The following PAK6 variants were observed in gnomAD, a reference collection of about 807,000 sequenced individuals.
The protein encoded by PAK6 is serine/threonine-protein kinase PAK 6.
A neutral mutation model predicts 60.8 loss-of-function variants in PAK6; 33 were observed. The observed-to-expected ratio is 0.54, with a 90% CI of 0.41 to 0.73. PAK6 has a LOEUF of 0.73. PAK6 is among the 30% of genes least tolerant of loss of function. The probability of loss-of-function intolerance (pLI) is 0.00; values close to 1 mark genes in which losing one functional copy is unlikely to be tolerated. For missense variants in PAK6, 845 were observed against 904.1 expected (o/e 0.93, Z 0.84); for synonymous variants, 404 against 378.5 (o/e 1.07, Z -0.78).
intron 10 of PAK6, among the ~76,000 whole-genome samples, chr15:40,275,465 T>C (rs1247690354): frequency 6.6e-6 from 1 of 151,856 alleles, no homozygotes; most frequent in African/African-American, 2.4e-5. Flanking sequence ...TTTGTATTTT[T>C]AGTAGAGACA....
intron 3 of PAK6, among the ~76,000 whole-genome samples, chr15:40,257,342 G>A (rs2038864657): frequency 6.6e-6 from 1 of 152,246 alleles, no homozygotes; most frequent in Admixed American, 6.5e-5. Flanking sequence ...CTGGAAGCCA[G>A]CTTCCCAGCC....
intron 3 of PAK6, 26 bp downstream of exon 3, chr15:40,253,315 C>G: frequency 2.2e-6 from 1 of 454,482 alleles, no homozygotes; most frequent in South Asian, 1.6e-5. Context: ...GCCCCCGGCC[C>G]TAGAGCCTTC....
At chr15:40,252,363 C>A in intron 2 of PAK6, 1 of 1,307,734 alleles carries the variant, frequency 7.6e-7, no homozygotes, top group Non-Finnish European at 1.0e-6. Context: ...GCGGCTGTGG[C>A]CAGGCCAGGG....
chr15:40,276,466 C>T (rs1032954125), exon 11 of PAK6: 1 of 195,146 alleles, frequency 5.1e-6, no homozygotes, highest in African/African-American at 2.3e-5. Flanking sequence ...AGAGGGCAGA[C>T]TGCTGGTCTC....
intron 2 of PAK6, among the ~76,000 whole-genome samples, chr15:40,243,753 T>G (rs1046515689): frequency 5.3e-5 from 8 of 152,240 alleles, no homozygotes; most frequent in Non-Finnish European, 1.2e-4. Flanking sequence ...CCACTGAGGC[T>G]TTCTAAGGAA....
intron 2 of PAK6, among the ~76,000 whole-genome samples, chr15:40,241,696 C>T (rs1242720795): frequency 1.3e-5 from 2 of 152,080 alleles, no homozygotes; most frequent in African/African-American, 4.8e-5. Context: ...TCTCCAGTGC[C>T]CCGAGGACAA....
intron 2 of PAK6, chr15:40,252,237 C>A: frequency 8.4e-7 from 1 of 1,189,328 alleles, no homozygotes. Context: ...GGCTCTGGAG[C>A]GTGCATCTGC....
chr15:40,252,183 G>T, intron 2 of PAK6: 1 of 939,612 alleles, frequency 1.1e-6, no homozygotes, highest in Non-Finnish European at 1.4e-6. Flanking sequence ...AGGATGTGTG[G>T]GTGGGCACAC....
At position 40,261,140 on chromosome 15, in the gene PAK6, G is replaced by A. The variant is rs891113286; in HGVS notation, c.-5-3641G>A. Reference sequence around the variant, plus strand: ...CCTGACCTCGTGATTCGCCCACCTCGGCCTCCCAAAGTGCTGGGATTACAG... The same window carrying A: ...CCTGACCTCGTGATTCGCCCACCTCAGCCTCCCAAAGTGCTGGGATTACAG... On this transcript the variant is annotated intron_variant, in intron 3 of 10. Coordinates refer to ENST00000560346, the Ensembl canonical transcript of PAK6. 4.0e-5 allele frequency among the ~76,000 whole-genome samples: 6 copies of A among 151,646 alleles called. No homozygotes were observed. In the South Asian group the frequency reaches 6.3e-4, roughly 16 times the overall value.
chr15:40,276,470 T>C (rs2039457557), exon 11 of PAK6: 1 of 190,460 alleles, frequency 5.3e-6, no homozygotes, highest in Admixed American at 5.9e-5. Context: ...GGCAGACTGC[T>C]GGTCTCCACA....
At chr15:40,253,113 T>G in intron 2 of PAK6, 65 bp from the exon 3 acceptor site, 2 of 425,974 alleles carry the variant, frequency 4.7e-6, no homozygotes, top group South Asian at 3.3e-5. Flanking sequence ...CGTCAGCCAG[T>G]CGCAACACCC....
intron 2 of PAK6, chr15:40,252,597 C>T: frequency 7.4e-7 from 1 of 1,353,220 alleles, no homozygotes; most frequent in Non-Finnish European, 9.8e-7. Flanking sequence ...TAAGCGCGGC[C>T]CCTCCTCGGC....
exon 5 of PAK6, chr15:40,265,959 C>T (rs137969148): frequency 3.2e-5 from 51 of 1,605,138 alleles, no homozygotes; most frequent in South Asian, 5.5e-5. Context: ...CCCCACCAGC[C>T]GGCGGCGGGC....
chr15:40,253,943 G>T (rs1354818937), intron 3 of PAK6, among the ~76,000 whole-genome samples: 2 of 152,182 alleles, frequency 1.3e-5, no homozygotes, highest in Non-Finnish European at 2.9e-5. Flanking sequence ...GAGGGGCTCA[G>T]GTCTGTGTCC....
At chr15:40,261,179 C>T (rs377107032) in intron 3 of PAK6, among the ~76,000 whole-genome samples, 6 of 151,892 alleles carry the variant, frequency 4.0e-5, no homozygotes, top group South Asian at 4.2e-4. Context: ...TGAGCCACCG[C>T]GCCTGGCCCT....
intron 5 of PAK6, 35 bp downstream of exon 5, chr15:40,266,530 G>C: frequency 6.4e-7 from 1 of 1,552,878 alleles, no homozygotes; most frequent in South Asian, 1.2e-5. Context: ...GTGTCCACTG[G>C]GGAGTGGGTG....
intron 2 of PAK6, chr15:40,252,491 C>T (rs1420856277): frequency 1.5e-6 from 2 of 1,363,466 alleles, no homozygotes; most frequent in East Asian, 4.5e-5. Flanking sequence ...CACTTGGCAA[C>T]TTCTCCCGCG....
At chr15:40,250,000 G>GCAGC in intron 2 of PAK6, among the ~76,000 whole-genome samples, 1 of 152,264 alleles carries the variant, frequency 6.6e-6, no homozygotes, top group East Asian at 1.9e-4. Context: ...GTCTGTGCCA[G>GCAGC]CAGCCAAGGC....
intron 2 of PAK6, chr15:40,245,582 G>A (rs1208469035): frequency 1.3e-5 from 2 of 152,456 alleles, no homozygotes; most frequent in African/African-American, 2.4e-5. Context: ...GCAAAGAGGA[G>A]CTCTGAGGAG....
Sources: allele counts gnomAD v4.1 joint callset (sites outside exome capture counted in the v4.1 genomes callset), GRCh38; gene constraint gnomAD v4.1.1; transcripts MANE v1.5; gene names NCBI Gene and HGNC (gene_info 2026-07-23, HGNC 2026-07-21).